Variants in CNTN4 observed in about 807,000 individuals in gnomAD.
The protein encoded by CNTN4 is contactin-4.
Under a neutral mutation model 122.5 loss-of-function variants are expected in CNTN4, and 77 were observed. The ratio of observed to expected loss-of-function variants is 0.63; its 90% CI spans 0.52 to 0.76. The LOEUF (loss-of-function observed/expected upper bound fraction) is 0.76. Among genes scored for constraint, CNTN4 ranks in the 30% least tolerant of loss-of-function variants. The pLI, the probability that CNTN4 is intolerant of heterozygous loss-of-function variation, is 0.00. For missense variants in CNTN4, 1,256 were observed against 1,259.1 expected, an observed-to-expected ratio of 1.00 and a Z score of 0.04; for synonymous variants, 512 against 447.0, an observed-to-expected ratio of 1.15 and a Z score of -1.83.
intron 4 of CNTN4, among the ~76,000 whole-genome samples, chr3:2,699,175 C>A (rs2086217775): frequency 6.6e-6 from 1 of 152,228 alleles, no homozygotes; most frequent in East Asian, 1.9e-4. Flanking sequence ...CTAAAATACA[C>A]CCTCAGGGTA....
At chr3:2,613,493 T>G (rs527647866) in intron 4 of CNTN4, among the ~76,000 whole-genome samples, 2 of 152,236 alleles carry the variant, frequency 1.3e-5, no homozygotes, top group African/African-American at 4.8e-5. Flanking sequence ...CTGCAACATA[T>G]TTGTTCATTA....
At chr3:2,833,501 T>C (rs983661265) in intron 7 of CNTN4, among the ~76,000 whole-genome samples, 3 of 152,244 alleles carry the variant, frequency 2.0e-5, no homozygotes, top group African/African-American at 4.8e-5. Context: ...TGTATTGTTT[T>C]ATTGTTTAAT....
chr3:2,256,712 C>G (rs139886249), intron 2 of CNTN4, among the ~76,000 whole-genome samples: 200 of 152,146 alleles, frequency 1.3e-3, no homozygotes, highest in African/African-American at 4.4e-3. Context: ...GAATAAAATA[C>G]CTAGGAATAC....
chr3:2,730,567 G>C (rs1207588273), intron 4 of CNTN4, among the ~76,000 whole-genome samples: 1 of 152,164 alleles, frequency 6.6e-6, no homozygotes, highest in East Asian at 1.9e-4. Context: ...CAGATGCCCT[G>C]TAAAAATAAA....
At chr3:2,109,406 G>A (rs1416742643) in intron 2 of CNTN4, among the ~76,000 whole-genome samples, 1 of 151,086 alleles carries the variant, frequency 6.6e-6, no homozygotes, top group Non-Finnish European at 1.5e-5. Flanking sequence ...CATATGATTT[G>A]TTGTTGTTGT....
At chr3:2,491,573 G>C (rs896519365) in intron 3 of CNTN4, among the ~76,000 whole-genome samples, 3 of 152,158 alleles carry the variant, frequency 2.0e-5, no homozygotes, top group Non-Finnish European at 4.4e-5. Context: ...TAATAAAAGA[G>C]ATATTACTGT....
intron 2 of CNTN4, among the ~76,000 whole-genome samples, chr3:2,292,089 C>G (rs984581087): frequency 6.6e-6 from 1 of 152,186 alleles, no homozygotes; most frequent in South Asian, 2.1e-4. Context: ...TAATCCATCA[C>G]ATAATTAACC....
intron 4 of CNTN4, among the ~76,000 whole-genome samples, chr3:2,723,692 G>A (rs1218905566): frequency 6.6e-6 from 1 of 152,222 alleles, no homozygotes; most frequent in Non-Finnish European, 1.5e-5. Flanking sequence ...AAATACTGTT[G>A]CGTTGAGGAT....
In CNTN4 at chr3:2,679,872, A is replaced by G. The variant is rs193171820; in HGVS notation, c.56-56343A>G. ...TTTTATTGTCTGCCTCACCCAATAA[A>G]TGAAGTATCCTTGAGGGTAGTTGTC... On this transcript the variant is annotated intron_variant, in intron 4 of 24. Coordinates refer to ENST00000418658, the MANE Select transcript of CNTN4 (RefSeq NM_175607.3). Among the ~76,000 whole-genome samples the G allele has an allele frequency of 2.3e-3, 345 of 152,324 alleles. 1 individual carries two copies. Among genetic ancestry groups the G allele is most frequent in the South Asian group, 0.012 (57 of 4,828 alleles).
At chr3:3,046,582 A>C (rs1700680435) in intron 23 of CNTN4, among the ~76,000 whole-genome samples, 1 of 152,116 alleles carries the variant, frequency 6.6e-6, no homozygotes, top group Non-Finnish European at 1.5e-5. Context: ...AAATGCTGAG[A>C]GATTTTGTCA....
intron 4 of CNTN4, among the ~76,000 whole-genome samples, chr3:2,589,813 T>C (rs765011686): frequency 2.0e-4 from 31 of 152,180 alleles, no homozygotes; most frequent in Non-Finnish European, 3.5e-4. Flanking sequence ...CTGTACCGCA[T>C]GGAGCTCCCT....
rs557674091 is a variant in CNTN4, at chr3:2,530,547, A to G, written c.-88-40869A>G. On this transcript the variant is annotated intron_variant, in intron 3 of 24. Transcript: ENST00000418658. Reference sequence around the variant, plus strand: ...ATGGTCCCCATCTCCTGACCTCGTGATCTGCCTGCCTCAGCCTCCCAAAGT... The same window carrying G: ...ATGGTCCCCATCTCCTGACCTCGTGGTCTGCCTGCCTCAGCCTCCCAAAGT... Among the ~76,000 whole-genome samples, 4 of 152,074 alleles carry G rather than the reference A, an allele frequency of 2.6e-5. No homozygotes were observed. The South Asian group carries it at 6.2e-4, about 24-fold the overall frequency.
At chr3:2,685,632 C>A (rs926825009) in intron 4 of CNTN4, among the ~76,000 whole-genome samples, 4 of 152,058 alleles carry the variant, frequency 2.6e-5, no homozygotes, top group African/African-American at 9.7e-5. Context: ...AATGAGAAAA[C>A]CTAACTGCTT....
chr3:2,148,539 A>G (rs528540440), intron 2 of CNTN4, among the ~76,000 whole-genome samples: 72 of 151,444 alleles, frequency 4.8e-4, no homozygotes, highest in Middle Eastern at 6.8e-3. Context: ...TCTCAAAAAA[A>G]AAAAGAAAAG....
chr3:2,259,282 A>G (rs76393625), intron 2 of CNTN4, among the ~76,000 whole-genome samples: 200 of 152,324 alleles, frequency 1.3e-3, no homozygotes, highest in African/African-American at 4.6e-3. Flanking sequence ...GAAAATCGTC[A>G]CTAATGTTGA....
In CNTN4 at chr3:2,584,735, G is replaced by T. The variant is rs527953284; in HGVS notation, c.55+13177G>T. Among the ~76,000 whole-genome samples, 95 of 149,836 alleles carry T rather than the reference G, an allele frequency of 6.3e-4. 1 individual carries two copies. Among genetic ancestry groups the T allele is most frequent in the African/African-American group, 2.3e-3 (93 of 40,924 alleles). ...AAAAAAAAAAAAGAATAAAAAAAAG[G>T]GAACAGGTCACAATTTCCCTCACTA... On this transcript the variant is annotated intron_variant, in intron 4 of 24. Transcript: ENST00000418658.
At chr3:2,495,526 T>C (rs934370590) in intron 3 of CNTN4, among the ~76,000 whole-genome samples, 2 of 152,230 alleles carry the variant, frequency 1.3e-5, no homozygotes, top group Non-Finnish European at 2.9e-5. Context: ...ACAGGTTACC[T>C]GTCTGTGGCC....
At chr3:2,895,895 T>C (rs908341883) in intron 10 of CNTN4, among the ~76,000 whole-genome samples, 32 of 152,194 alleles carry the variant, frequency 2.1e-4, no homozygotes, top group East Asian at 3.9e-4. Flanking sequence ...TAGCCGAGCG[T>C]GGTGGCGGGC....
At chr3:2,788,363 G>T (rs2149943214) in intron 6 of CNTN4, among the ~76,000 whole-genome samples, 1 of 152,162 alleles carries the variant, frequency 6.6e-6, no homozygotes, top group African/African-American at 2.4e-5. Flanking sequence ...TTAACCCAAT[G>T]GAATATAAAC....
Sources: gnomAD v4.1 joint callset for allele counts (sites outside exome capture counted in the v4.1 genomes callset) on GRCh38, gnomAD v4.1.1 for gene constraint, MANE v1.5 for transcripts, NCBI Gene and HGNC (gene_info 2026-07-23, HGNC 2026-07-21) for gene names.